The following SCFD2 variants were observed in gnomAD, a reference collection of about 807,000 sequenced individuals.
SCFD2 encodes the protein sec1 family domain-containing protein 2.
A neutral mutation model predicts 58.9 loss-of-function variants in SCFD2; 54 were observed. The observed-to-expected ratio is 0.92, with a 90% confidence interval of 0.74 to 1.15. The LOEUF (loss-of-function observed/expected upper bound fraction) is 1.15. Ranked by LOEUF, SCFD2 falls within the 50% of genes most tolerant of loss-of-function variation. The pLI, the probability that SCFD2 is intolerant of heterozygous loss-of-function variation, is 0.00. For synonymous variants in SCFD2, 321 were observed against 335.9 expected, an observed-to-expected ratio of 0.96 and a Z score of 0.49; for missense variants, 805 against 836.6, an observed-to-expected ratio of 0.96 and a Z score of 0.47.
At chr4:53,093,005 G>A (rs1560332028) in intron 5 of SCFD2, among the ~76,000 whole-genome samples, 1 of 152,140 alleles carries the variant, frequency 6.6e-6, no homozygotes, top group African/African-American at 2.4e-5. Context: ...GGACAGAAGA[G>A]TAGTGTCCAT....
chr4:53,335,100 G>A (rs139263136), intron 2 of SCFD2, among the ~76,000 whole-genome samples: 1 of 147,434 alleles, frequency 6.8e-6, no homozygotes, highest in Non-Finnish European at 1.5e-5. Flanking sequence ...AATGACTGAG[G>A]CTCAAGAATT....
At chr4:53,157,840 T>C (rs1252754533) in intron 4 of SCFD2, among the ~76,000 whole-genome samples, 1 of 152,188 alleles carries the variant, frequency 6.6e-6, no homozygotes, top group African/African-American at 2.4e-5. Flanking sequence ...GATAAAGTGG[T>C]TGTAATCCAG....
intron 4 of SCFD2, among the ~76,000 whole-genome samples, chr4:53,236,279 T>C (rs1729605283): frequency 1.3e-5 from 2 of 152,106 alleles, no homozygotes; most frequent in Admixed American, 1.3e-4. Flanking sequence ...AGTTCTTCAG[T>C]TTTGGGACTC....
At chr4:52,959,224 T>C (rs1161670692) in intron 5 of SCFD2, among the ~76,000 whole-genome samples, 1 of 152,138 alleles carries the variant, frequency 6.6e-6, no homozygotes, top group African/African-American at 2.4e-5. Context: ...GTAATGGCTG[T>C]GTGATGTTCA....
chr4:53,298,987 G>A (rs527467418), intron 3 of SCFD2, among the ~76,000 whole-genome samples: 2 of 152,250 alleles, frequency 1.3e-5, no homozygotes, highest in African/African-American at 4.8e-5. Context: ...AAACCACAAA[G>A]ATGGGGAAAA....
At chr4:53,348,715 A>G (rs114933606) in intron 2 of SCFD2, among the ~76,000 whole-genome samples, 3,510 of 144,738 alleles carry the variant, frequency 0.024, 62 homozygotes, top group Non-Finnish European at 0.034. Context: ...ACTTATGACC[A>G]TATTTTTTTT....
At chr4:52,969,064 C>T (rs1721031646) in intron 5 of SCFD2, among the ~76,000 whole-genome samples, 1 of 152,200 alleles carries the variant, frequency 6.6e-6, no homozygotes. Flanking sequence ...TGTCCAATCA[C>T]CCTGGCCTGT....
intron 5 of SCFD2, among the ~76,000 whole-genome samples, chr4:53,084,310 T>C (rs747899494): frequency 6.6e-6 from 1 of 152,172 alleles, no homozygotes; most frequent in Non-Finnish European, 1.5e-5. Context: ...TGTCTGTTTA[T>C]AGGCTCTCTG....
At chr4:53,255,830 C>A (rs1730594346) in intron 4 of SCFD2, among the ~76,000 whole-genome samples, 1 of 148,052 alleles carries the variant, frequency 6.8e-6, no homozygotes, top group Admixed American at 6.6e-5. Flanking sequence ...GGGCAGCTGG[C>A]CGGGCGGGGG....
chr4:52,891,588 C>T (rs901988589), intron 7 of SCFD2, among the ~76,000 whole-genome samples: 2 of 152,256 alleles, frequency 1.3e-5, no homozygotes, highest in Non-Finnish European at 2.9e-5. Flanking sequence ...AGTAACCGTT[C>T]TACCTTTCAT....
rs1723753666 is a variant in SCFD2 at position 53,069,424 on chromosome 4, C to G, written c.1561+75909G>C. On this transcript the variant is annotated intron_variant, in intron 5 of 8. Transcript: ENST00000401642. ...ATATTGCAATTCAGCCCACCATGGG[C>G]TGCATACAGACTTCATCAGCAAAAG... is the stretch of plus-strand genomic sequence containing the variant. 1.3e-5 allele frequency among the ~76,000 whole-genome samples: 2 copies of G among 151,132 alleles called. 1 individual carries two copies. The highest frequency in any genetic ancestry group is 4.2e-4 in the South Asian group (2 of 4,770).
intron 5 of SCFD2, among the ~76,000 whole-genome samples, chr4:53,007,752 T>C (rs1275184685): frequency 1.3e-5 from 2 of 152,240 alleles, no homozygotes; most frequent in African/African-American, 4.8e-5. Context: ...TGGCAACCTC[T>C]ACTCACTAGC....
At chr4:53,114,620 A>T (rs1200858655) in intron 5 of SCFD2, among the ~76,000 whole-genome samples, 2 of 152,186 alleles carry the variant, frequency 1.3e-5, no homozygotes, top group Non-Finnish European at 2.9e-5. Flanking sequence ...CATTCAATGA[A>T]AACATTTTTC....
chr4:53,257,603 T>A (rs907852353), intron 4 of SCFD2, among the ~76,000 whole-genome samples: 18 of 152,050 alleles, frequency 1.2e-4, no homozygotes, highest in Admixed American at 2.0e-4. Context: ...TAAAAAAAAA[T>A]TTTCCATGTT....
At chr4:53,162,705 G>A (rs1008282727) in intron 4 of SCFD2, among the ~76,000 whole-genome samples, 1 of 151,768 alleles carries the variant, frequency 6.6e-6, no homozygotes, top group South Asian at 2.1e-4. Context: ...GTTGTGGGGT[G>A]GGGGGAGTGG....
At chr4:53,116,890 C>T (rs1560343174) in intron 5 of SCFD2, among the ~76,000 whole-genome samples, 2 of 152,276 alleles carry the variant, frequency 1.3e-5, no homozygotes, top group South Asian at 2.1e-4. Context: ...CTTAAAGCAA[C>T]CACAGAGCCT....
At chr4:53,100,623 G>A (rs1339797875) in intron 5 of SCFD2, among the ~76,000 whole-genome samples, 17 of 152,158 alleles carry the variant, frequency 1.1e-4, no homozygotes, top group East Asian at 9.6e-4. Context: ...CCAACAAAGC[G>A]TACTGTAAGA....
chr4:53,252,730 T>C (rs1261209597), intron 4 of SCFD2, among the ~76,000 whole-genome samples: 2 of 152,118 alleles, frequency 1.3e-5, no homozygotes, highest in East Asian at 1.9e-4. Context: ...AGAGAAAAAT[T>C]AATTCAAGAT....
Position 53,354,229 on chromosome 4 carries a change from C to T in SCFD2, c.839-1463G>A, listed in dbSNP as rs143062256. Reference sequence around the variant, plus strand: ...GGGCTGCAGGTACCAAGCCCTGCCCCGCGGGGAGGTGGCTGAGGCCTGGCG... The same window carrying T: ...GGGCTGCAGGTACCAAGCCCTGCCCTGCGGGGAGGTGGCTGAGGCCTGGCG... On this transcript the variant is annotated intron_variant, in intron 1 of 8. Coordinates refer to ENST00000401642, the MANE Select transcript of SCFD2 (RefSeq NM_152540.4). Among the ~76,000 whole-genome samples, 1,022 of 152,312 alleles carry T rather than the reference C, an allele frequency of 6.7e-3. 13 individuals carry two copies. Among genetic ancestry groups the T allele is most frequent in the African/African-American group, 0.024 (987 of 41,578 alleles).
Sources: gnomAD v4.1 joint callset for allele counts (sites outside exome capture counted in the v4.1 genomes callset) on GRCh38, gnomAD v4.1.1 for gene constraint, MANE v1.5 for transcripts, NCBI Gene and HGNC (gene_info 2026-07-23, HGNC 2026-07-21) for gene names.